RBP7: variants seen among roughly 807,000 people sequenced by gnomAD.
The protein encoded by RBP7 is retinoid-binding protein 7.
RBP7 carries 13 observed loss-of-function variants against 16.7 expected under a neutral mutation model. That is an observed-to-expected ratio of 0.78 (90% CI 0.51 to 1.24). The LOEUF is 1.24. RBP7 is among the 50% of genes most tolerant of loss of function. The pLI is 0.00. For synonymous variants in RBP7, 54 were observed against 56.2 expected (o/e 0.96, Z 0.17); for missense variants, 145 against 159.5 (o/e 0.91, Z 0.49).
chr1:9,999,174 G>C (rs1287305308), intron 1 of RBP7, among the ~76,000 whole-genome samples: 1 of 152,102 alleles, frequency 6.6e-6, no homozygotes, highest in African/African-American at 2.4e-5. Context: ...TGTAAGACGT[G>C]CCTTTTGCCT....
chr1:10,012,841 G>A lies in RBP7; in HGVS notation c.355-2941G>A, dbSNP rs561848439. Reference sequence around the variant, plus strand: ...CCCAGCTACTCGGGAGGCTGAGGCAGGAGAATCACTTGAACCTGGGAGGAG... The same window carrying A: ...CCCAGCTACTCGGGAGGCTGAGGCAAGAGAATCACTTGAACCTGGGAGGAG... On this transcript the variant is annotated intron_variant, in intron 3 of 3. Coordinates refer to ENST00000294435, the MANE Select transcript of RBP7 (RefSeq NM_052960.3). Among the ~76,000 whole-genome samples the A allele has an allele frequency of 1.3e-3, 187 of 148,452 alleles. 5 individuals carry two copies. In the South Asian group the frequency reaches 0.031, roughly 25 times the overall value.
chr1:10,012,903 G>A (rs901437208), intron 3 of RBP7, among the ~76,000 whole-genome samples: 8 of 134,908 alleles, frequency 5.9e-5, no homozygotes, highest in African/African-American at 9.0e-5. Flanking sequence ...ATCGCGCCAC[G>A]GCACTCCAGC....
chr1:10,012,073 T>G, intron 3 of RBP7, among the ~76,000 whole-genome samples: 1 of 150,088 alleles, frequency 6.7e-6, no homozygotes, highest in African/African-American at 2.5e-5. Flanking sequence ...CAGCTGAGAG[T>G]GGTGGCGCAT....
intron 1 of RBP7, among the ~76,000 whole-genome samples, chr1:10,001,178 C>T (rs1255033603): frequency 6.6e-6 from 1 of 152,194 alleles, no homozygotes; most frequent in Non-Finnish European, 1.5e-5. Flanking sequence ...AAATCACTCC[C>T]TTTTGTCTAA....
intron 3 of RBP7, among the ~76,000 whole-genome samples, chr1:10,011,844 G>A (rs1002452726): frequency 1.3e-5 from 2 of 152,102 alleles, no homozygotes; most frequent in Non-Finnish European, 2.9e-5. Flanking sequence ...ATCACCTGAG[G>A]TCAGGAGTTC....
chr1:10,007,349 T>G (rs1165550700), intron 1 of RBP7, among the ~76,000 whole-genome samples: 1 of 152,040 alleles, frequency 6.6e-6, no homozygotes, highest in African/African-American at 2.4e-5. Context: ...TGTCCCAAAG[T>G]GCTGGAATTA....
chr1:9,998,163 T>C (rs1642206781), intron 1 of RBP7, among the ~76,000 whole-genome samples: 1 of 152,322 alleles, frequency 6.6e-6, no homozygotes, highest in African/African-American at 2.4e-5. Flanking sequence ...CGGCTAATTT[T>C]GTACTTTTAG....
intron 3 of RBP7, among the ~76,000 whole-genome samples, chr1:10,011,015 C>T (rs1642601348): frequency 6.6e-6 from 1 of 152,224 alleles, no homozygotes; most frequent in Non-Finnish European, 1.5e-5. Context: ...AAGCGTGAGC[C>T]ACCCGACAGA....
chr1:10,003,169 G>A (rs1343308990), intron 1 of RBP7, among the ~76,000 whole-genome samples: 5 of 152,150 alleles, frequency 3.3e-5, no homozygotes, highest in Admixed American at 3.3e-4. Context: ...GCTCACGCCT[G>A]TAATCCCAGC....
chr1:10,008,730 CCACACCTGGCCCATCT>C (rs1481296891), intron 3 of RBP7, among the ~76,000 whole-genome samples: 1 of 151,944 alleles, frequency 6.6e-6, no homozygotes, highest in Non-Finnish European at 1.5e-5. Context: ...TGAGCCACCA[CCACACCTGGCCCATCT>C]CTACTGAAAA....
chr1:10,012,079 C>T (rs530473933), intron 3 of RBP7, among the ~76,000 whole-genome samples: 10 of 151,956 alleles, frequency 6.6e-5, no homozygotes, highest in South Asian at 2.1e-4. Flanking sequence ...AGAGTGGTGG[C>T]GCATGCCTCT....
chr1:10,008,487 C>T (rs981733963), intron 3 of RBP7, among the ~76,000 whole-genome samples: 1 of 148,418 alleles, frequency 6.7e-6, no homozygotes, highest in South Asian at 2.1e-4. Context: ...TGTCACCAGG[C>T]TGGAGTGCAG....
chr1:10,006,776 G>C (rs182014372), intron 1 of RBP7, among the ~76,000 whole-genome samples: 1 of 150,698 alleles, frequency 6.6e-6, no homozygotes, highest in African/African-American at 2.4e-5. Flanking sequence ...GAGAGAGAGA[G>C]AGAGAGAGGT....
chr1:10,003,414 G>A (rs1642334852), intron 1 of RBP7, among the ~76,000 whole-genome samples: 1 of 152,042 alleles, frequency 6.6e-6, no homozygotes, highest in Non-Finnish European at 1.5e-5. Flanking sequence ...GGTGACAAGA[G>A]CAAAACTCTG....
chr1:10,009,196 G>A (rs1329954583), intron 3 of RBP7, among the ~76,000 whole-genome samples: 2 of 152,108 alleles, frequency 1.3e-5, no homozygotes, highest in Non-Finnish European at 2.9e-5. Flanking sequence ...CGGATCACGA[G>A]GTCAGGAGAT....
At chr1:9,998,407 C>CTTTTTTTTTTTTTTTTTTTT (rs772810621) in intron 1 of RBP7, among the ~76,000 whole-genome samples, 1 of 121,588 alleles carries the variant, frequency 8.2e-6, no homozygotes, top group African/African-American at 3.3e-5. Flanking sequence ...TTCTTTCTTT[C>CTTTTTTTTTTTTTTTTTTTT]TTTTTTTTTT....
At position 9,997,774 on chromosome 1, in the gene RBP7, C is replaced by T. The variant is rs1444181012; in HGVS notation, c.73+443C>T. 1.3e-5 allele frequency among the ~76,000 whole-genome samples: 2 copies of T among 152,020 alleles called. No individual in the cohort carries two copies. Among genetic ancestry groups the T allele is most frequent in the Non-Finnish European group, 2.9e-5 (2 of 67,958 alleles). On this transcript the variant is annotated intron_variant, in intron 1 of 3. Transcript: ENST00000294435. The surrounding 1 kb of genome is among the most constrained non-coding windows in gnomAD (Gnocchi z 5.9). ...CCGAAGCCTCTGCCCGGCCACCCTC[C>T]CCGCAGCCGCCTTCCGTGCAGGCCC...
At chr1:10,006,760 T>TAGAGAG (rs1218331363) in intron 1 of RBP7, among the ~76,000 whole-genome samples, 1 of 148,252 alleles carries the variant, frequency 6.7e-6, no homozygotes, top group African/African-American at 2.6e-5. Flanking sequence ...TGTATATATA[T>TAGAGAG]ATATAGAGAG....
At chr1:10,011,412 A>G (rs1039678667) in intron 3 of RBP7, among the ~76,000 whole-genome samples, 9 of 152,216 alleles carry the variant, frequency 5.9e-5, no homozygotes, top group Non-Finnish European at 1.0e-4. Context: ...ATCTATAACC[A>G]GAGAAATTAA....
Sources: gnomAD v4.1 joint callset for allele counts (sites outside exome capture counted in the v4.1 genomes callset) on GRCh38, gnomAD v4.1.1 for gene constraint, Gnocchi (gnomAD v3.1) non-coding constraint, MANE v1.5 for transcripts, NCBI Gene and HGNC (gene_info 2026-07-23, HGNC 2026-07-21) for gene names.